Variants in PTPN13 observed in about 807,000 individuals in gnomAD.
PTPN13 encodes the protein protein tyrosine phosphatase non-receptor type 13, also known as tyrosine-protein phosphatase non-receptor type 13.
Under a neutral mutation model 284.0 loss-of-function variants are expected in PTPN13, and 191 were observed. The ratio of observed to expected loss-of-function variants is 0.67; its 90% CI spans 0.60 to 0.76. The LOEUF (loss-of-function observed/expected upper bound fraction) is 0.76. Among genes scored for constraint, PTPN13 ranks in the 30% least tolerant of loss-of-function variants. PTPN13 has a pLI of 0.00. For missense variants in PTPN13, 2,797 were observed against 2,939.9 expected (o/e 0.95, Z 1.12); for synonymous variants, 986 against 1,022.3 (o/e 0.96, Z 0.68).
intron 1 of PTPN13, among the ~76,000 whole-genome samples, chr4:86,609,884 T>C (rs867690223): frequency 2.0e-5 from 3 of 152,206 alleles, no homozygotes; most frequent in Non-Finnish European, 2.9e-5. Context: ...AGTTATCTTA[T>C]AGAGCATTGG....
intron 9 of PTPN13, among the ~76,000 whole-genome samples, chr4:86,719,691 A>G (rs575723497): frequency 6.6e-6 from 1 of 152,102 alleles, no homozygotes; most frequent in Non-Finnish European, 1.5e-5. Flanking sequence ...ATGGTATCTC[A>G]TTGTGGTTCT....
chr4:86,743,829 A>C (rs1386079581), intron 16 of PTPN13, among the ~76,000 whole-genome samples: 1 of 152,154 alleles, frequency 6.6e-6, no homozygotes, highest in Non-Finnish European at 1.5e-5. Flanking sequence ...CTTTTCCATG[A>C]CTATTTCCGT....
chr4:86,768,158 G>A lies in PTPN13; in HGVS notation c.4489+182G>A, dbSNP rs531539707. Among the ~76,000 whole-genome samples the A allele has an allele frequency of 3.9e-5, 6 of 152,072 alleles. No individual in the cohort carries two copies. In the East Asian group the frequency reaches 1.2e-3, roughly 29 times the overall value. On this transcript the variant is annotated intron_variant, in intron 28 of 47. Coordinates refer to ENST00000411767, the MANE Select transcript of PTPN13 (RefSeq NM_080683.3). ...ACAGAAACATATTTGCAGCTCATAG[G>A]GTCTGAAAGACTTTGGATAATAAAG...
chr4:86,734,999 T>G, intron 14 of PTPN13, 124 bp downstream of exon 14: 1 of 1,090,040 alleles, frequency 9.2e-7, no homozygotes, highest in Non-Finnish European at 1.3e-6. Flanking sequence ...GCTTCTTTGG[T>G]TCCTCAGAAT....
At chr4:86,723,947 A>G (rs1017554543) in intron 10 of PTPN13, among the ~76,000 whole-genome samples, 5 of 152,354 alleles carry the variant, frequency 3.3e-5, no homozygotes, top group Non-Finnish European at 4.4e-5. Context: ...GCACATTTGT[A>G]TGCTCTGAAG....
At chr4:86,753,549 A>G (rs1268022176) in intron 20 of PTPN13, among the ~76,000 whole-genome samples, 1 of 151,818 alleles carries the variant, frequency 6.6e-6, no homozygotes, top group African/African-American at 2.4e-5. Flanking sequence ...AGAACTAAGT[A>G]GGGACCAGTT....
At chr4:86,628,501 T>TTTA (rs1554295021) in intron 1 of PTPN13, among the ~76,000 whole-genome samples, 1 of 94,734 alleles carries the variant, frequency 1.1e-5, no homozygotes, top group East Asian at 2.7e-4. Flanking sequence ...TTTTTTTTTT[T>TTTA]AATTTTTTTT....
chr4:86,656,081 T>G (rs1725768305), intron 2 of PTPN13, among the ~76,000 whole-genome samples: 1 of 152,238 alleles, frequency 6.6e-6, no homozygotes, highest in Admixed American at 6.5e-5. Flanking sequence ...GTGCCATGGT[T>G]TTCAGCTCCT....
intron 4 of PTPN13, among the ~76,000 whole-genome samples, chr4:86,688,640 TA>T (rs576956434): frequency 2.0e-5 from 3 of 152,242 alleles, no homozygotes; most frequent in African/African-American, 7.2e-5. Context: ...TTTTATATAA[TA>T]TTAGGAAACA....
intron 31 of PTPN13, among the ~76,000 whole-genome samples, chr4:86,772,444 C>T (rs1031179514): frequency 1.3e-5 from 2 of 151,992 alleles, no homozygotes; most frequent in Admixed American, 6.6e-5. Flanking sequence ...ATCCCAGCTA[C>T]TTGGGTGGCT....
intron 5 of PTPN13, chr4:86,690,011 C>T: frequency 3.1e-6 from 1 of 323,332 alleles, no homozygotes; most frequent in Non-Finnish European, 5.6e-6. Flanking sequence ...CCCATCTTAA[C>T]CAGGATGTCA....
At chr4:86,619,071 C>T (rs1016471269) in intron 1 of PTPN13, among the ~76,000 whole-genome samples, 89 of 151,912 alleles carry the variant, frequency 5.9e-4, no homozygotes, top group African/African-American at 2.0e-3. Context: ...GGGTTTGATA[C>T]GCAGTTGGAC....
At chr4:86,608,193 G>T (rs1274084914) in intron 1 of PTPN13, among the ~76,000 whole-genome samples, 1 of 152,032 alleles carries the variant, frequency 6.6e-6, no homozygotes, top group African/African-American at 2.4e-5. Context: ...GAAAAAAATA[G>T]TGAGGGACAT....
intron 7 of PTPN13, among the ~76,000 whole-genome samples, chr4:86,706,315 A>G (rs866043366): frequency 2.0e-5 from 3 of 152,200 alleles, no homozygotes; most frequent in Admixed American, 6.5e-5. Context: ...CATGTCAGAT[A>G]CATGGTTGAA....
chr4:86,639,968 T>C (rs184931618), intron 2 of PTPN13, among the ~76,000 whole-genome samples: 1 of 152,126 alleles, frequency 6.6e-6, no homozygotes, highest in Admixed American at 6.5e-5. Flanking sequence ...ATTTATAGGA[T>C]AGAGTTTCTA....
At chr4:86,732,023 AATACTT>A (rs1235495006) in intron 10 of PTPN13, among the ~76,000 whole-genome samples, 2 of 152,198 alleles carry the variant, frequency 1.3e-5, no homozygotes, top group African/African-American at 4.8e-5. Flanking sequence ...TATTAAACCA[AATACTT>A]ATATGAGCTT....
At chr4:86,671,904 A>G (rs908256277) in intron 2 of PTPN13, among the ~76,000 whole-genome samples, 2 of 152,356 alleles carry the variant, frequency 1.3e-5, no homozygotes, top group African/African-American at 2.4e-5. Flanking sequence ...AAGTAGATCC[A>G]TAAAACTTCA....
At position 86,775,203 on chromosome 4, in the gene PTPN13, T is replaced by C; in HGVS notation, c.5541T>C (p.His1847=). The change falls in exon 34 of 48, where the codon CAT becomes CAC. Residue 1847 remains histidine, a synonymous_variant. Transcript: ENST00000411767. ...ATACAGATGTTACTAATATGACTCA[T>C]ACAGATGCAGTTAATCTGCTCCGGG... ...VNDTDVTNMT[H]TDAVNLLRAA... The C allele has an allele frequency of 1.2e-6, 2 of 1,612,244 alleles. No homozygotes were observed. The highest frequency in any genetic ancestry group is 1.7e-6 in the Non-Finnish European group (2 of 1,179,254).
At chr4:86,780,261 A>G in intron 35 of PTPN13, 141 bp from the exon 36 acceptor site, 1 of 666,506 alleles carries the variant, frequency 1.5e-6, no homozygotes, top group Non-Finnish European at 2.7e-6. Context: ...ATAGCTGGGC[A>G]TGGTGGCACA....
Sources: gnomAD v4.1 joint callset for allele counts (sites outside exome capture counted in the v4.1 genomes callset) on GRCh38, gnomAD v4.1.1 for gene constraint, MANE v1.5 for transcripts, NCBI Gene and HGNC (gene_info 2026-07-23, HGNC 2026-07-21) for gene names.